Variants in CEP128 observed in about 807,000 individuals in gnomAD.
The protein encoded by CEP128 is centrosomal protein 128kDa.
A neutral mutation model predicts 156.7 loss-of-function variants in CEP128; 132 were observed. The observed-to-expected ratio is 0.84, with a 90% confidence interval of 0.73 to 0.97. The LOEUF is 0.97. Among genes scored for constraint, CEP128 ranks in the 50% least tolerant of loss-of-function variants. CEP128 has a pLI of 0.00. For missense variants in CEP128, 1,252 were observed against 1,281.9 expected, an observed-to-expected ratio of 0.98 and a Z score of 0.36; for synonymous variants, 469 against 448.9, an observed-to-expected ratio of 1.04 and a Z score of -0.57.
intron 23 of CEP128, among the ~76,000 whole-genome samples, chr14:80,520,840 T>C (rs1888708781): frequency 6.6e-6 from 1 of 152,010 alleles, no homozygotes; most frequent in Non-Finnish European, 1.5e-5. Context: ...ATTTATTTTT[T>C]GAGATGGAGT....
intron 19 of CEP128, among the ~76,000 whole-genome samples, chr14:80,611,342 A>G (rs2140584300): frequency 6.6e-6 from 1 of 152,122 alleles, no homozygotes; most frequent in East Asian, 1.9e-4. Flanking sequence ...AGGAGATTAA[A>G]AAAAATCTAA....
chr14:80,690,856 C>T (rs1896698917), intron 19 of CEP128, among the ~76,000 whole-genome samples: 1 of 151,968 alleles, frequency 6.6e-6, no homozygotes, highest in Non-Finnish European at 1.5e-5. Context: ...AAGGTTTTTT[C>T]TTCATTAAAA....
intron 6 of CEP128, 95 bp from the exon 7 acceptor site, chr14:80,900,124 A>G (rs1883459514): frequency 1.4e-6 from 1 of 738,656 alleles, no homozygotes; most frequent in Admixed American, 2.6e-5. Context: ...GTTCCTTGCA[A>G]TAATAACCAG....
chr14:80,747,535 G>T (rs1899163592), intron 18 of CEP128, among the ~76,000 whole-genome samples: 1 of 152,158 alleles, frequency 6.6e-6, no homozygotes, highest in South Asian at 2.1e-4. Flanking sequence ...ATGGCCAGGG[G>T]CAATGGCTCA....
In CEP128 at chr14:80,785,317, T is replaced by C. The variant is rs1901345719; in HGVS notation, c.1789A>G (p.Lys597Glu). 1 of 1,614,046 alleles carries C rather than the reference T, an allele frequency of 6.2e-7. No individual in the cohort carries two copies. Among genetic ancestry groups the C allele is most frequent in the Non-Finnish European group, 8.5e-7 (1 of 1,180,022 alleles). Reference protein sequence around the residue: ...TIHRLESELKKQSKIQSQMKV... With the variant: ...TIHRLESELKEQSKIQSQMKV... ...ATCTGGCTTTGGATCTTACTCTGCT[T>C]TTTCAATTCGCTCTCCAGTCTATGG... is the stretch of plus-strand genomic sequence containing the variant. Residue 597 changes from lysine to glutamate, a missense_variant, in exon 15 of 25, where the codon AAG becomes GAG. Lys to Glu is a moderately conservative substitution (Grantham distance 56). Coordinates refer to ENST00000555265, the MANE Select transcript of CEP128 (RefSeq NM_152446.5).
chr14:80,773,268 T>C (rs1162976050), intron 16 of CEP128, among the ~76,000 whole-genome samples: 1 of 152,164 alleles, frequency 6.6e-6, no homozygotes, highest in Non-Finnish European at 1.5e-5. Flanking sequence ...GGTGTTTGTG[T>C]TAGACTTAGG....
chr14:80,613,007 A>AT (rs66946967), intron 19 of CEP128, among the ~76,000 whole-genome samples: 1,258 of 114,680 alleles, frequency 0.011, 24 homozygotes, highest in African/African-American at 0.032. Flanking sequence ...CACCCGGCGA[A>AT]TTTTTTTTTT....
chr14:80,494,789 A>G (rs993662318), downstream of CEP128, among the ~76,000 whole-genome samples: 1 of 152,190 alleles, frequency 6.6e-6, no homozygotes, highest in Admixed American at 6.5e-5. Flanking sequence ...TTATTAAGCT[A>G]TAGATTTTAG....
At chr14:80,781,692 C>T (rs546083121) in intron 15 of CEP128, among the ~76,000 whole-genome samples, 2 of 152,158 alleles carry the variant, frequency 1.3e-5, no homozygotes, top group African/African-American at 2.4e-5. Flanking sequence ...AGGGAGGTTA[C>T]TTAGAAGTAT....
At chr14:80,698,777 TA>T (rs569419043) in intron 19 of CEP128, among the ~76,000 whole-genome samples, 1 of 152,028 alleles carries the variant, frequency 6.6e-6, no homozygotes, top group South Asian at 2.1e-4. Context: ...ACCCCATTCT[TA>T]AAAAAAAGTA....
At position 80,759,744 on chromosome 14, in the gene CEP128, T is replaced by C. The variant is rs116816373; in HGVS notation, c.2553+1693A>G. Among the ~76,000 whole-genome samples the C allele has an allele frequency of 5.3e-3, 803 of 152,264 alleles. 14 individuals carry two copies. The highest frequency in any genetic ancestry group is 0.019 in the African/African-American group (772 of 41,578). ...CACAGTCACTCCATGTCTGAAAGCC[T>C]ATAAAAAATTGGATGCTTCTTGGAA... On this transcript the variant is annotated intron_variant, in intron 17 of 24. Transcript: ENST00000555265.
At chr14:80,785,725 G>A (rs1008806794) in intron 14 of CEP128, among the ~76,000 whole-genome samples, 180 bp from the exon 15 acceptor site, 1 of 151,980 alleles carries the variant, frequency 6.6e-6, no homozygotes, top group African/African-American at 2.4e-5. Flanking sequence ...AGGTGGGGGG[G>A]AATATATAAT....
intron 19 of CEP128, among the ~76,000 whole-genome samples, chr14:80,597,759 A>G (rs2140514773): frequency 6.6e-6 from 1 of 152,018 alleles, no homozygotes; most frequent in South Asian, 2.1e-4. Context: ...ACCATGTTGC[A>G]CTTATTCTAG....
Position 80,756,900 on chromosome 14 carries a change from C to T in CEP128, c.2605G>A (p.Glu869Lys). Residue 869 changes from glutamate (E) to lysine (K), a missense_variant, in exon 18 of 25, where the codon GAA becomes AAA. Coordinates refer to ENST00000555265, the MANE Select transcript of CEP128 (RefSeq NM_152446.5). ...IHYDPHRWLA[E>K]SKTKLQWLCE... Reference sequence around the variant, plus strand: ...ATTTAAAGATTAATTACCTTGCTTTCTGCTAACCAGCGATGTGGGTCATAA... The same window carrying T: ...ATTTAAAGATTAATTACCTTGCTTTTTGCTAACCAGCGATGTGGGTCATAA... The T allele has an allele frequency of 6.3e-7, 1 of 1,591,616 alleles. No individual in the cohort carries two copies. The highest frequency in any genetic ancestry group is 8.6e-7 in the Non-Finnish European group (1 of 1,161,508).
intron 13 of CEP128, 118 bp downstream of exon 13, chr14:80,831,025 T>C: frequency 7.0e-6 from 6 of 860,360 alleles, no homozygotes; most frequent in Non-Finnish European, 9.4e-6. Context: ...AACTTTATAT[T>C]ATCAATGCTC....
chr14:80,586,019 G>A (rs532267899), intron 19 of CEP128, among the ~76,000 whole-genome samples: 3 of 152,058 alleles, frequency 2.0e-5, no homozygotes, highest in South Asian at 4.1e-4. Flanking sequence ...TAACGGGTCA[G>A]TTTCTCTTTT....
intron 19 of CEP128, among the ~76,000 whole-genome samples, chr14:80,741,968 A>G (rs1030513882): frequency 4.6e-5 from 7 of 152,158 alleles, no homozygotes; most frequent in Non-Finnish European, 7.3e-5. Flanking sequence ...AAATAAAGTG[A>G]CATGCCCTAA....
intron 20 of CEP128, among the ~76,000 whole-genome samples, chr14:80,578,805 T>C (rs540652534): frequency 1.3e-5 from 2 of 152,326 alleles, no homozygotes; most frequent in African/African-American, 4.8e-5. Flanking sequence ...TGGACTCTTG[T>C]GCATTCCGAG....
intron 19 of CEP128, among the ~76,000 whole-genome samples, chr14:80,658,559 A>G (rs1175384235): frequency 1.3e-5 from 2 of 152,196 alleles, no homozygotes; most frequent in Non-Finnish European, 2.9e-5. Flanking sequence ...AACTATTACT[A>G]TATTCCAAAA....
Sources: gnomAD v4.1 joint callset for allele counts (sites outside exome capture counted in the v4.1 genomes callset) on GRCh38, gnomAD v4.1.1 for gene constraint, MANE v1.5 for transcripts, NCBI Gene and HGNC (gene_info 2026-07-23, HGNC 2026-07-21) for gene names.